The following ANO1 variants were observed in gnomAD, a reference collection of about 807,000 sequenced individuals.
ANO1 encodes anoctamin-1.
A neutral mutation model predicts 124.0 loss-of-function variants in ANO1; 59 were observed. That is an observed-to-expected ratio of 0.48 (90% confidence interval 0.39 to 0.59). The LOEUF is 0.59. Among genes scored for constraint, ANO1 ranks in the 20% least tolerant of loss-of-function variants. The pLI, the probability that ANO1 is intolerant of heterozygous loss-of-function variation, is 0.00. For synonymous variants in ANO1, 529 were observed against 532.0 expected (o/e 0.99, Z 0.08); for missense variants, 1,059 against 1,328.0 (o/e 0.80, Z 3.15).
At chr11:70,093,166 C>G (rs573857420) in intron 2 of ANO1, among the ~76,000 whole-genome samples, 20 of 150,510 alleles carry the variant, frequency 1.3e-4, no homozygotes, top group Non-Finnish European at 1.5e-4. Context: ...TCTCCTCTCC[C>G]TCTCTATCAT....
At chr11:70,077,559 G>A (rs1385247194), upstream of ANO1, among the ~76,000 whole-genome samples, 1 of 152,148 alleles carries the variant, frequency 6.6e-6, no homozygotes, top group African/African-American at 2.4e-5. Flanking sequence ...GGGGGTAAGA[G>A]AGATCAAAGC....
rs144237459 is a variant in ANO1, at chr11:70,137,978, T to C, written c.1258+5899T>C. ...AACGTAGCCTTGGGTCCTAGGAGAT[T>C]GAGCTTAAACCTAACCTCTCACCTT... On this transcript the variant is annotated intron_variant, in intron 11 of 25. Transcript: ENST00000355303. 2.1e-3 allele frequency among the ~76,000 whole-genome samples: 318 copies of C among 147,926 alleles called. 12 individuals are homozygous for C. Among genetic ancestry groups the C allele is most frequent in the African/African-American group, 6.8e-3 (282 of 41,412 alleles).
chr11:70,101,863 G>A (rs1197467824), intron 2 of ANO1, among the ~76,000 whole-genome samples: 1 of 152,164 alleles, frequency 6.6e-6, no homozygotes, highest in Admixed American at 6.5e-5. Flanking sequence ...TGGGACCTCA[G>A]TCTGGAAGCC....
intron 7 of ANO1, 52 bp downstream of exon 7, chr11:70,111,814 C>G: frequency 6.3e-7 from 1 of 1,582,442 alleles, no homozygotes; most frequent in Non-Finnish European, 8.7e-7. Flanking sequence ...CTCCCCAAAT[C>G]CCGCCGGGCC....
At chr11:70,030,787 C>T (rs1338906331) in intron 1 of ANO1, among the ~76,000 whole-genome samples, 8 of 152,326 alleles carry the variant, frequency 5.3e-5, no homozygotes, top group Non-Finnish European at 7.3e-5. Context: ...AGGATGGGAA[C>T]ATGGACATCT....
intron 1 of ANO1, among the ~76,000 whole-genome samples, chr11:70,069,764 C>T (rs1163864534): frequency 2.6e-5 from 4 of 151,926 alleles, no homozygotes; most frequent in Non-Finnish European, 5.9e-5. Flanking sequence ...GACTATGTGT[C>T]TTGGAGGATC....
At chr11:70,160,715 T>A (rs1426523804) in intron 16 of ANO1, among the ~76,000 whole-genome samples, 1 of 152,058 alleles carries the variant, frequency 6.6e-6, no homozygotes. Flanking sequence ...TCACCATGGG[T>A]TGGGGGAGAA....
chr11:70,175,316 C>G (rs2048651643), intron 22 of ANO1, among the ~76,000 whole-genome samples: 1 of 152,266 alleles, frequency 6.6e-6, no homozygotes, highest in Non-Finnish European at 1.5e-5. Context: ...ATAATCTGCC[C>G]TCCTTTCACG....
chr11:70,075,545 C>A (rs571336792), upstream of ANO1: 3 of 152,134 alleles, frequency 2.0e-5, no homozygotes, highest in South Asian at 2.1e-4. Context: ...TGAAGAGCAA[C>A]ACTGTGGCCA....
intron 1 of ANO1, among the ~76,000 whole-genome samples, chr11:70,028,375 C>A (rs1856945464): frequency 6.6e-6 from 1 of 152,298 alleles, no homozygotes; most frequent in South Asian, 2.1e-4. Context: ...GCCCAGAGGT[C>A]CAATTCTGAA....
chr11:70,160,870 C>A (rs2048014651), intron 16 of ANO1, among the ~76,000 whole-genome samples: 2 of 152,224 alleles, frequency 1.3e-5, no homozygotes, highest in Non-Finnish European at 1.5e-5. Context: ...GGGCAGACCG[C>A]CTGGTAAATC....
intron 11 of ANO1, among the ~76,000 whole-genome samples, chr11:70,133,090 TC>T (rs2046825797): frequency 1.3e-5 from 2 of 152,108 alleles, no homozygotes. Context: ...TGGGGCAGGC[TC>T]CCGGGGCCAG....
upstream of ANO1, among the ~76,000 whole-genome samples, chr11:70,074,664 C>A (rs766835369): frequency 6.6e-6 from 1 of 152,200 alleles, no homozygotes; most frequent in Non-Finnish European, 1.5e-5. Flanking sequence ...TGGTGCTCAA[C>A]TGGGGCTGGT....
At chr11:70,081,653 T>C (rs2044204821) in intron 1 of ANO1, among the ~76,000 whole-genome samples, 1 of 152,062 alleles carries the variant, frequency 6.6e-6, no homozygotes. Flanking sequence ...GTTCCTGGAG[T>C]ACCAACTCCA....
chr11:70,101,204 G>A (rs2135341034), intron 2 of ANO1, among the ~76,000 whole-genome samples: 2 of 152,178 alleles, frequency 1.3e-5, no homozygotes, highest in Admixed American at 1.3e-4. Flanking sequence ...GCTTTGCCCA[G>A]GTCCCTGGGA....
intron 1 of ANO1, among the ~76,000 whole-genome samples, chr11:70,008,481 AC>A (rs1555000459): frequency 6.6e-6 from 1 of 152,164 alleles, no homozygotes. Context: ...TTTCCCAGCG[AC>A]CTTTGGCAAA....
intron 1 of ANO1, among the ~76,000 whole-genome samples, chr11:70,038,716 C>A (rs1857134037): frequency 1.3e-5 from 2 of 152,130 alleles, no homozygotes; most frequent in Non-Finnish European, 2.9e-5. Flanking sequence ...GGATTCTCAG[C>A]AATGCAGGGG....
chr11:70,041,437 C>G (rs760899244), intron 1 of ANO1, among the ~76,000 whole-genome samples: 3 of 152,202 alleles, frequency 2.0e-5, no homozygotes, highest in African/African-American at 4.8e-5. Flanking sequence ...AATTTACACA[C>G]GCACAACTAT....
upstream of ANO1, among the ~76,000 whole-genome samples, chr11:69,982,250 C>A (rs118145171): frequency 1.3e-5 from 2 of 152,144 alleles, no homozygotes; most frequent in African/African-American, 4.8e-5. Context: ...CCACCAGGGG[C>A]CCCCGTTACT....
Sources: allele counts gnomAD v4.1 joint callset (sites outside exome capture counted in the v4.1 genomes callset), GRCh38; gene constraint gnomAD v4.1.1; transcripts MANE v1.5; gene names NCBI Gene and HGNC (gene_info 2026-07-23, HGNC 2026-07-21).